The following LGR4 variants were observed in gnomAD, a reference collection of about 807,000 sequenced individuals.
LGR4 encodes the protein leucine rich repeat containing G protein-coupled receptor 4.
In LGR4, 44 loss-of-function variants were observed where a neutral mutation model predicts 84.8. The observed-to-expected ratio is 0.52, with a 90% CI of 0.41 to 0.67. The LOEUF (loss-of-function observed/expected upper bound fraction) is 0.67, where lower values mean the gene tolerates loss of function less well. LGR4 is among the 30% of genes least tolerant of loss of function. LGR4 has a pLI of 0.00. For missense variants in LGR4, 1,032 were observed against 1,131.4 expected (o/e 0.91, Z 1.26); for synonymous variants, 429 against 434.3 (o/e 0.99, Z 0.15).
chr11:27,423,409 A>C (rs1209398309), intron 1 of LGR4, among the ~76,000 whole-genome samples: 1 of 152,176 alleles, frequency 6.6e-6, no homozygotes, highest in Non-Finnish European at 1.5e-5. Context: ...GCCTCAGGCG[A>C]TGAGGCGTGC....
intron 2 of LGR4, among the ~76,000 whole-genome samples, chr11:27,407,839 T>A (rs1863640979): frequency 6.6e-6 from 1 of 152,024 alleles, no homozygotes; most frequent in African/African-American, 2.4e-5. Flanking sequence ...ACTGCAATAT[T>A]TAAAGATTTA....
chr11:27,396,035 A>C (rs1301216074), intron 2 of LGR4, among the ~76,000 whole-genome samples: 1 of 152,172 alleles, frequency 6.6e-6, no homozygotes, highest in Non-Finnish European at 1.5e-5. Context: ...GCTGGTACAC[A>C]AACATTCTTT....
intron 13 of LGR4, among the ~76,000 whole-genome samples, chr11:27,374,318 C>A (rs1251189214): frequency 2.0e-5 from 3 of 152,166 alleles, no homozygotes; most frequent in Non-Finnish European, 4.4e-5. Context: ...CATTCTGATA[C>A]CAATTCAAAC....
At chr11:27,422,077 T>C (rs757968344) in intron 1 of LGR4, among the ~76,000 whole-genome samples, 3 of 152,150 alleles carry the variant, frequency 2.0e-5, no homozygotes, top group Non-Finnish European at 4.4e-5. Flanking sequence ...CAAAACAGTG[T>C]TTATTACCAG....
At chr11:27,390,718 T>G (rs1863267928) in intron 4 of LGR4, among the ~76,000 whole-genome samples, 1 of 152,214 alleles carries the variant, frequency 6.6e-6, no homozygotes, top group African/African-American at 2.4e-5. Context: ...CGATTTGTTC[T>G]GATTATCATT....
chr11:27,445,154 C>T (rs1169686112), intron 1 of LGR4, among the ~76,000 whole-genome samples: 3 of 152,156 alleles, frequency 2.0e-5, no homozygotes, highest in Admixed American at 6.5e-5. Flanking sequence ...CTCTTTGCTC[C>T]CACAGCCCTT....
chr11:27,402,232 C>T (rs1863518367), intron 2 of LGR4, among the ~76,000 whole-genome samples: 1 of 152,156 alleles, frequency 6.6e-6, no homozygotes, highest in Non-Finnish European at 1.5e-5. Context: ...GTGACCCCAG[C>T]TCTGGTTAAT....
At chr11:27,419,498 G>A (rs985458426) in intron 1 of LGR4, among the ~76,000 whole-genome samples, 4 of 151,168 alleles carry the variant, frequency 2.6e-5, no homozygotes, top group Non-Finnish European at 5.9e-5. Flanking sequence ...TTGGAAAACA[G>A]TTTGGTAATT....
chr11:27,378,167 T>C (rs1161145214), intron 11 of LGR4, among the ~76,000 whole-genome samples: 1 of 152,224 alleles, frequency 6.6e-6, no homozygotes, highest in South Asian at 2.1e-4. Flanking sequence ...ACTTGCTTAA[T>C]CAATCAGTCA....
chr11:27,388,932 T>TA (rs767783459), intron 4 of LGR4, among the ~76,000 whole-genome samples: 5 of 152,142 alleles, frequency 3.3e-5, no homozygotes, highest in Non-Finnish European at 2.9e-5. Context: ...TTAGTTATTT[T>TA]AACTTTATGG....
At chr11:27,388,986 T>C (rs1863233999) in intron 4 of LGR4, among the ~76,000 whole-genome samples, 1 of 152,150 alleles carries the variant, frequency 6.6e-6, no homozygotes, top group African/African-American at 2.4e-5. Context: ...CAATTGGCTT[T>C]CAGATTTTAT....
Position 27,377,150 on chromosome 11 carries a change from C to A in LGR4, c.1109+8G>T, listed in dbSNP as rs545012914. 2 of 1,550,996 alleles carry A rather than the reference C, an allele frequency of 1.3e-6. No homozygotes were observed. The highest frequency in any genetic ancestry group is 2.3e-5 in the South Asian group (2 of 87,112). On this transcript the variant is annotated splice_region_variant and intron_variant, in intron 12 of 17. Coordinates refer to ENST00000379214, the MANE Select transcript of LGR4 (RefSeq NM_018490.5). The stretch of plus-strand genomic sequence containing the variant: ...ACAACAAAAGGAATAAGTCAAAGAC[C>A]AACTCACATTTCTTCCAGAGCATGG...
intron 1 of LGR4, among the ~76,000 whole-genome samples, chr11:27,467,197 T>G (rs1370856733): frequency 2.0e-5 from 3 of 152,108 alleles, no homozygotes; most frequent in Non-Finnish European, 4.4e-5. Context: ...AAGAGTCTCC[T>G]GGGTTGGTGA....
intron 1 of LGR4, among the ~76,000 whole-genome samples, chr11:27,422,039 A>C (rs1863930555): frequency 6.6e-6 from 1 of 152,208 alleles, no homozygotes; most frequent in Admixed American, 6.5e-5. Context: ...TCTGGGTGTC[A>C]ACAGCTGTTC....
chr11:27,472,026 G>A (rs1864883407), intron 1 of LGR4, 92 bp downstream of exon 1: 3 of 938,104 alleles, frequency 3.2e-6, no homozygotes, highest in Admixed American at 4.5e-5. Flanking sequence ...GGGGCGGGGT[G>A]GGGTGGGACT....
At chr11:27,386,522 A>G (rs1374817587) in intron 4 of LGR4, among the ~76,000 whole-genome samples, 1 of 152,234 alleles carries the variant, frequency 6.6e-6, no homozygotes, top group Non-Finnish European at 1.5e-5. Context: ...CATCTTTTTA[A>G]AGAAATAGTT....
intron 1 of LGR4, among the ~76,000 whole-genome samples, chr11:27,444,821 A>G (rs1337351031): frequency 1.3e-5 from 2 of 152,112 alleles, no homozygotes; most frequent in Non-Finnish European, 2.9e-5. Context: ...TTCTGCCCAT[A>G]ATTTGTTCTT....
intron 5 of LGR4, 43 bp downstream of exon 5, chr11:27,385,210 C>A: frequency 1.5e-6 from 2 of 1,336,130 alleles, no homozygotes; most frequent in South Asian, 1.6e-5. Context: ...TTTTGTACCC[C>A]AATTAACACA....
Position 27,368,388 on chromosome 11 carries a change from G to C in LGR4, c.2335C>G (p.Pro779Ala), listed in dbSNP as rs746758068. Residue 779 changes from proline (P) to alanine (A), a missense_variant, in exon 18 of 18, where the codon CCC (proline) becomes GCC (alanine). Coordinates refer to ENST00000379214, the MANE Select transcript of LGR4 (RefSeq NM_018490.5). ...AGAGTAACAGACTTCATTATTTCGG[G>C]GCTGATAGAGATTGCAGTGATCAAT... The part of the protein sequence containing the change: ...APLITAISIS[P>A]EIMKSVTLIF... The C allele has an allele frequency of 6.2e-7, 1 of 1,614,086 alleles. No individual in the cohort carries two copies. Among genetic ancestry groups the C allele is most frequent in the Middle Eastern group, 1.6e-4 (1 of 6,062 alleles).
Sources: allele counts gnomAD v4.1 joint callset (sites outside exome capture counted in the v4.1 genomes callset), GRCh38; gene constraint gnomAD v4.1.1; transcripts MANE v1.5; gene names NCBI Gene and HGNC (gene_info 2026-07-23, HGNC 2026-07-21).